Variants in TNKS2 observed in about 807,000 individuals in gnomAD.
The protein encoded by TNKS2 is tankyrase 2.
In TNKS2, 72 loss-of-function variants were observed where a neutral mutation model predicts 137.6. The observed-to-expected ratio is 0.52, with a 90% CI of 0.43 to 0.64. The LOEUF is 0.64. Ranked by LOEUF, TNKS2 falls within the 30% of genes least tolerant of loss-of-function variation. The pLI is 0.00. For missense variants in TNKS2, 1,049 were observed against 1,410.2 expected (o/e 0.74, Z 4.10); for synonymous variants, 516 against 512.1 (o/e 1.01, Z -0.10).
chr10:91,855,263 T>C, intron 22 of TNKS2, 137 bp downstream of exon 22: 1 of 654,544 alleles, frequency 1.5e-6, no homozygotes, highest in Non-Finnish European at 2.7e-6. Flanking sequence ...GATTATCTAA[T>C]ATTACTAGAG....
At chr10:91,820,298 G>A (rs1844847112) in intron 6 of TNKS2, among the ~76,000 whole-genome samples, 1 of 152,194 alleles carries the variant, frequency 6.6e-6, no homozygotes, top group Non-Finnish European at 1.5e-5. Flanking sequence ...CATAGAGAGG[G>A]ATAGCACTGC....
intron 18 of TNKS2, among the ~76,000 whole-genome samples, chr10:91,846,718 G>C (rs1313967982): frequency 7.5e-6 from 1 of 132,910 alleles, no homozygotes; most frequent in Non-Finnish European, 1.5e-5. Context: ...TAGTTCAGCT[G>C]CATTGGTGCT....
intron 11 of TNKS2, among the ~76,000 whole-genome samples, chr10:91,831,786 C>T (rs1436346877): frequency 2.0e-5 from 3 of 152,164 alleles, no homozygotes; most frequent in Non-Finnish European, 2.9e-5. Flanking sequence ...AAAAGATATA[C>T]ATAGCATCTC....
intron 1 of TNKS2, among the ~76,000 whole-genome samples, chr10:91,800,472 T>C (rs1162739346): frequency 6.6e-6 from 1 of 152,190 alleles, no homozygotes; most frequent in African/African-American, 2.4e-5. Context: ...AATAGTAATA[T>C]TTAGAGGTGT....
chr10:91,840,530 A>G (rs1374113510), intron 13 of TNKS2, 31 bp from the exon 14 acceptor site: 1 of 1,581,458 alleles, frequency 6.3e-7, no homozygotes, highest in South Asian at 1.1e-5. Context: ...ATGTAGATGT[A>G]GTATCATGTA....
chr10:91,838,431 T>C (rs1434860885), intron 13 of TNKS2, among the ~76,000 whole-genome samples: 3 of 152,218 alleles, frequency 2.0e-5, no homozygotes, highest in Non-Finnish European at 4.4e-5. Context: ...TATTACCTAA[T>C]GAACACTTAA....
rs1244644244 is a variant in TNKS2, at chr10:91,828,974, AAG to A, written c.1104+573_1104+574del. Reference sequence around the variant, plus strand: ...CTAATAGGGATACATGATAAAAGATAAGAGAGGGAATGGTAAAATCAGGGGCT... The same window carrying A: ...CTAATAGGGATACATGATAAAAGATAAGAGGGAATGGTAAAATCAGGGGCT... On this transcript the variant is annotated intron_variant, in intron 9 of 26. Coordinates refer to ENST00000371627, the MANE Select transcript of TNKS2 (RefSeq NM_025235.4). 1.7e-4 allele frequency among the ~76,000 whole-genome samples: 26 copies of A among 152,178 alleles called. No individual in the cohort carries two copies. In the East Asian group the frequency reaches 3.3e-3, roughly 19 times the overall value.
intron 9 of TNKS2, among the ~76,000 whole-genome samples, chr10:91,828,738 T>C (rs1845144624): frequency 6.6e-6 from 1 of 152,210 alleles, no homozygotes; most frequent in South Asian, 2.1e-4. Flanking sequence ...TTAGAAAATT[T>C]GGAACCCAAT....
intron 1 of TNKS2, chr10:91,807,581 T>A (rs1844366874): frequency 5.3e-6 from 4 of 760,878 alleles, no homozygotes; most frequent in Non-Finnish European, 9.0e-6. Context: ...CCTTTTCATA[T>A]ACTGTGATAC....
intron 3 of TNKS2, among the ~76,000 whole-genome samples, chr10:91,817,941 CCTAAT>C (rs1356185694): frequency 6.6e-6 from 1 of 152,182 alleles, no homozygotes; most frequent in Non-Finnish European, 1.5e-5. Context: ...TAGAATCATA[CCTAAT>C]CTAAAGTCAA....
intron 21 of TNKS2, among the ~76,000 whole-genome samples, chr10:91,853,648 G>A (rs1241991821): frequency 6.6e-6 from 1 of 152,198 alleles, no homozygotes; most frequent in African/African-American, 2.4e-5. Context: ...ATATCATCTT[G>A]TATATGTTGC....
rs778804738 is a variant in TNKS2, at chr10:91,862,112, A to G, written c.3395A>G (p.Asn1132Ser). 1.2e-6 allele frequency: 2 copies of G among 1,611,672 alleles called. No individual in the cohort carries two copies. The highest frequency in any genetic ancestry group is 3.4e-5 in the Admixed American group (2 of 59,654). The change falls in exon 26 of 27, where the codon AAT (asparagine) becomes AGT (serine). Residue 1132 changes from asparagine to serine, a missense_variant. Asn to Ser is a conservative substitution (Grantham distance 46). Coordinates refer to ENST00000371627, the MANE Select transcript of TNKS2 (RefSeq NM_025235.4). ...TCAGTCACTGGTAGGCCCAGTGTAA[A>G]TGGCCTAGCATTAGCTGAATATGTT... ...HHSVTGRPSV[N>S]GLALAEYVIY...
At chr10:91,862,455 G>A (rs1177438994) in intron 26 of TNKS2, among the ~76,000 whole-genome samples, 1 of 152,056 alleles carries the variant, frequency 6.6e-6, no homozygotes, top group East Asian at 1.9e-4. Context: ...TGCAGGGCAT[G>A]TCCCTTTACC....
intron 13 of TNKS2, among the ~76,000 whole-genome samples, chr10:91,839,344 T>TC (rs397722296): frequency 6.6e-6 from 1 of 151,496 alleles, no homozygotes; most frequent in African/African-American, 2.4e-5. Flanking sequence ...CATTTTTTTT[T>TC]CCTTTTTTCT....
chr10:91,836,693 T>G (rs1336956005), intron 12 of TNKS2: 2 of 985,104 alleles, frequency 2.0e-6, no homozygotes, highest in Non-Finnish European at 2.4e-6. Flanking sequence ...TTATAATCAT[T>G]ATACACATTT....
At position 91,848,510 on chromosome 10, in the gene TNKS2, C is replaced by T. The variant is rs748179040; in HGVS notation, c.2486C>T (p.Pro829Leu). 1 of 1,614,132 alleles carries T rather than the reference C, an allele frequency of 6.2e-7. No individual in the cohort carries two copies. Among genetic ancestry groups the T allele is most frequent in the Non-Finnish European group, 8.5e-7 (1 of 1,180,026 alleles). ...ACTGCAGATGCTCTCTCTTCAGGTC[C>T]ATCTAGCCCATCAAGCCTTTCTGCA... ...GATADALSSG[P>L]SSPSSLSAAS... Residue 829 changes from proline to leucine, a missense_variant, in exon 19 of 27, where the codon CCA becomes CTA. Pro to Leu is a moderately conservative substitution (Grantham distance 98). This residue lies in a region of TNKS2 where 208 missense variants were observed against 231.2 expected (regional missense o/e 0.90). Transcript: ENST00000371627.
intron 1 of TNKS2, among the ~76,000 whole-genome samples, chr10:91,803,809 T>G (rs1004828551): frequency 6.6e-6 from 1 of 152,210 alleles, no homozygotes; most frequent in Non-Finnish European, 1.5e-5. Context: ...ACTTTGCCTT[T>G]GGACAAAACC....
At chr10:91,837,285 A>G (rs1381600036) in intron 13 of TNKS2, among the ~76,000 whole-genome samples, 13 of 152,232 alleles carry the variant, frequency 8.5e-5, no homozygotes, top group African/African-American at 2.2e-4. Flanking sequence ...TCCCTTTAAC[A>G]GAATAAAGTT....
At chr10:91,803,969 C>T (rs1488270473) in intron 1 of TNKS2, among the ~76,000 whole-genome samples, 1 of 152,116 alleles carries the variant, frequency 6.6e-6, no homozygotes, top group Non-Finnish European at 1.5e-5. Context: ...AAGTTGGTTT[C>T]TCTGTAGGAA....
Sources: allele counts gnomAD v4.1 joint callset (sites outside exome capture counted in the v4.1 genomes callset), GRCh38; gene constraint gnomAD v4.1.1; regional missense constraint gnomAD v4.1.1; transcripts MANE v1.5; gene names NCBI Gene and HGNC (gene_info 2026-07-23, HGNC 2026-07-21).